Variants in MAFF observed in about 807,000 individuals in gnomAD.
MAFF encodes the protein transcription factor MafF.
Under a neutral mutation model 2.7 loss-of-function variants are expected in MAFF, and 4 were observed. That is an observed-to-expected ratio of 1.48 (90% CI 0.73 to 3.39). The LOEUF is 3.39. Among genes scored for constraint, MAFF ranks in the 30% most tolerant of loss-of-function variants. MAFF has a pLI of 0.01. For synonymous variants in MAFF, 113 were observed against 119.4 expected (o/e 0.95, Z 0.35); for missense variants, 190 against 246.6 (o/e 0.77, Z 1.54).
intron 1 of MAFF, among the ~76,000 whole-genome samples, chr22:38,212,013 A>G (rs4510313): frequency 0.028 from 4,204 of 151,930 alleles, 156 homozygotes; most frequent in East Asian, 0.16. Flanking sequence ...TTTTTTTGAG[A>G]TGGAGTCTCA....
intron 1 of MAFF, among the ~76,000 whole-genome samples, chr22:38,209,021 G>A (rs866615550): frequency 2.7e-4 from 41 of 151,538 alleles, no homozygotes; most frequent in African/African-American, 1.0e-3. Context: ...TCCATCCTTA[G>A]GATAGTAGGG....
chr22:38,213,979 A>T, intron 2 of MAFF, 90 bp downstream of exon 2: 1 of 1,435,644 alleles, frequency 7.0e-7, no homozygotes, highest in Non-Finnish European at 9.8e-7. Flanking sequence ...CTTTCCTGGA[A>T]TCCCCTGGGT....
At chr22:38,204,469 G>A (rs1450242049) in intron 1 of MAFF, among the ~76,000 whole-genome samples, 1 of 152,178 alleles carries the variant, frequency 6.6e-6, no homozygotes, top group Non-Finnish European at 1.5e-5. Context: ...GCCCAGCACA[G>A]AGCCTGGAAC....
chr22:38,210,368 G>A (rs1004391809), intron 1 of MAFF, among the ~76,000 whole-genome samples: 8 of 152,162 alleles, frequency 5.3e-5, no homozygotes, highest in Non-Finnish European at 8.8e-5. Flanking sequence ...AGTTTCCTGA[G>A]AAGCCCTGGA....
intron 1 of MAFF, chr22:38,204,046 A>AGGGGAAGT (rs1267662101): frequency 6.6e-6 from 1 of 152,232 alleles, no homozygotes; most frequent in East Asian, 1.9e-4. Flanking sequence ...TCAGGGGATG[A>AGGGGAAGT]GGGGAAGTGG....
At chr22:38,211,448 A>G (rs1224615448) in intron 1 of MAFF, among the ~76,000 whole-genome samples, 6 of 151,920 alleles carry the variant, frequency 3.9e-5, no homozygotes, top group Admixed American at 3.9e-4. Flanking sequence ...GCTGGTCTCG[A>G]TCTCCTGACC....
chr22:38,204,882 G>A (rs901091561), intron 1 of MAFF, among the ~76,000 whole-genome samples: 4 of 152,232 alleles, frequency 2.6e-5, no homozygotes, highest in Non-Finnish European at 5.9e-5. Context: ...GGACAGGCTC[G>A]TGGGTTTGTG....
Position 38,213,909 on chromosome 22 carries a change from C to G in MAFF, c.36+20C>G, listed in dbSNP as rs746132258. The G allele has an allele frequency of 1.9e-6, 3 of 1,613,726 alleles. No individual in the cohort carries two copies. Among genetic ancestry groups the G allele is most frequent in the Non-Finnish European group, 2.5e-6 (3 of 1,179,738 alleles). ...CTAAAGGTGAGGAGGCAGCCTCTGT[C>G]AACCCAGTGAAGCCCTCCCTCCCTG... On this transcript the variant is annotated intron_variant, in intron 2 of 2. Transcript: ENST00000338483.
chr22:38,209,810 T>A (rs2091083339), intron 1 of MAFF, among the ~76,000 whole-genome samples: 1 of 54,756 alleles, frequency 1.8e-5, no homozygotes. Flanking sequence ...CGAGACTCCA[T>A]CTCAAAAAAA....
At position 38,210,217 on chromosome 22, in the gene MAFF, C is replaced by A. The variant is rs564762501; in HGVS notation, c.-31-3606C>A. 3.1e-4 allele frequency among the ~76,000 whole-genome samples: 47 copies of A among 152,324 alleles called. No homozygotes were observed. In the South Asian group the frequency reaches 9.7e-3, roughly 32 times the overall value. ...CTACCCCCAGCGAAACCTGGGTGAC[C>A]CCTAAGACTCTCCTGCTTAAGGGCC... On this transcript the variant is annotated intron_variant, in intron 1 of 2. Coordinates refer to ENST00000338483, the MANE Select transcript of MAFF (RefSeq NM_012323.4).
Position 38,214,647 on chromosome 22 carries a change from C to T in MAFF, c.264C>T (p.Arg88=). 6.4e-7 allele frequency: 1 copy of T among 1,559,714 alleles called. No individual in the cohort carries two copies. Among genetic ancestry groups the T allele is most frequent in the Non-Finnish European group, 8.7e-7 (1 of 1,152,824 alleles). ...ELQKQKSELE[R]EVDKLARENA... The stretch of plus-strand genomic sequence containing the variant: ...AGAAGCAGAAGTCGGAGCTGGAGCG[C>T]GAGGTGGACAAGCTGGCGCGCGAGA... The change falls in exon 3 of 3, where the codon CGC becomes CGT. Residue 88 remains arginine (R), a synonymous_variant. Coordinates refer to ENST00000338483, the MANE Select transcript of MAFF (RefSeq NM_012323.4). This position sits in a 1 kb window ranked among gnomAD's most constrained non-coding sequence, Gnocchi z 6.3.
At chr22:38,211,383 C>G (rs1035257237) in intron 1 of MAFF, among the ~76,000 whole-genome samples, 7 of 152,178 alleles carry the variant, frequency 4.6e-5, no homozygotes, top group South Asian at 4.1e-4. Flanking sequence ...CGTGCCACCA[C>G]GCCCGGCTAA....
chr22:38,205,072 T>C (rs1490720917), intron 1 of MAFF, among the ~76,000 whole-genome samples: 1 of 152,114 alleles, frequency 6.6e-6, no homozygotes, highest in Non-Finnish European at 1.5e-5. Context: ...AGTTTGTGTC[T>C]CATGCCCCCA....
At chr22:38,206,340 CTTT>C (rs61643002) in intron 1 of MAFF, among the ~76,000 whole-genome samples, 47,164 of 108,386 alleles carry the variant, frequency 0.44, 10,154 homozygotes, top group Non-Finnish European at 0.52. Flanking sequence ...CCTATGCCTC[CTTT>C]TTTTTTTTTT....
In MAFF at chr22:38,214,837, C is replaced by T; in HGVS notation, c.454C>T (p.His152Tyr). The change falls in exon 3 of 3, where the codon CAC (histidine) becomes TAC (tyrosine). Residue 152 changes from histidine (H) to tyrosine (Y), a missense_variant. By Grantham distance (83) the His-to-Tyr change is moderately conservative (BLOSUM62 2). Around this residue, in one of 2 missense-constraint regions of MAFF, gnomAD observed 103 missense variants for 103.0 expected, o/e 1.00. Coordinates refer to ENST00000338483, the MANE Select transcript of MAFF (RefSeq NM_012323.4). The surrounding 1 kb of genome is among the most constrained non-coding windows in gnomAD (Gnocchi z 6.3). ...CCCGGGCTCGGGGTCTGGCCCCGCC[C>T]ACGGCCCGGACCCCGCCCACGGCCC... is the stretch of plus-strand genomic sequence containing the variant. Reference protein sequence around the residue: ...STPGSGSGPAHGPDPAHGPAS... With the variant: ...STPGSGSGPAYGPDPAHGPAS... The T allele has an allele frequency of 6.7e-7, 1 of 1,499,474 alleles. No homozygotes were observed. The highest frequency in any genetic ancestry group is 2.2e-5 in the Admixed American group (1 of 45,540). 92.9% of individuals were successfully genotyped at this position (1,499,474 alleles called of 1,614,324 possible).
intron 1 of MAFF, among the ~76,000 whole-genome samples, chr22:38,207,428 T>A (rs936788112): frequency 1.4e-4 from 1 of 7,082 alleles, no homozygotes. Flanking sequence ...GCCATCTTTT[T>A]TTTTTTTTTT....
intron 1 of MAFF, among the ~76,000 whole-genome samples, chr22:38,213,356 A>G (rs1030548297): frequency 6.6e-6 from 1 of 152,126 alleles, no homozygotes; most frequent in Non-Finnish European, 1.5e-5. Flanking sequence ...ATTTAGGCAT[A>G]TTGATGCCGT....
At chr22:38,205,908 TC>T (rs1276461545) in intron 1 of MAFF, among the ~76,000 whole-genome samples, 1 of 152,156 alleles carries the variant, frequency 6.6e-6, no homozygotes, top group East Asian at 1.9e-4. Context: ...AGTTCCCCCT[TC>T]TTGTGACTTT....
rs969944675 is a variant in MAFF at position 38,215,784 on chromosome 22, TAAG to T, written c.*913_*915del. 6.0e-5 allele frequency: 10 copies of T among 167,038 alleles called. No individual in the cohort carries two copies. The highest frequency in any genetic ancestry group is 1.9e-4 in the African/African-American group (8 of 41,430). The allele number at this position is 167,038 out of a possible 1,614,324, so 10.3% of individuals were successfully genotyped here. On this transcript the variant is annotated 3_prime_UTR_variant, in exon 3 of 3. Transcript: ENST00000338483. ...CCTACTACAGTCTGGAGTGGGGTCC[TAAG>T]AAGAAGGGTCCCACCTCAACCCCTG...
Sources: gnomAD v4.1 joint callset for allele counts (sites outside exome capture counted in the v4.1 genomes callset) on GRCh38, gnomAD v4.1.1 for gene constraint, gnomAD v4.1.1 regional missense constraint, Gnocchi (gnomAD v3.1) non-coding constraint, MANE v1.5 for transcripts, NCBI Gene and HGNC (gene_info 2026-07-23, HGNC 2026-07-21) for gene names.